Variants in GRM7 observed in about 807,000 individuals in gnomAD.
GRM7 encodes metabotropic glutamate receptor 7.
GRM7 carries 35 observed loss-of-function variants against 84.5 expected under a neutral mutation model. That is an observed-to-expected ratio of 0.41 (90% CI 0.32 to 0.55). The LOEUF (loss-of-function observed/expected upper bound fraction) is 0.55. Among genes scored for constraint, GRM7 ranks in the 20% least tolerant of loss-of-function variants. GRM7 has a pLI of 0.19. For synonymous variants in GRM7, 487 were observed against 455.1 expected (o/e 1.07, Z -0.89); for missense variants, 1,003 against 1,194.6 (o/e 0.84, Z 2.36).
chr3:6,898,340 TGG>T (rs1220750127), intron 1 of GRM7, among the ~76,000 whole-genome samples: 1 of 148,396 alleles, frequency 6.7e-6, no homozygotes, highest in African/African-American at 2.5e-5. Flanking sequence ...AAGTAGGGAT[TGG>T]TGAGAGACCA....
intron 4 of GRM7, among the ~76,000 whole-genome samples, chr3:7,331,278 G>A (rs763414204): frequency 3.9e-5 from 6 of 152,228 alleles, no homozygotes; most frequent in Non-Finnish European, 7.3e-5. Flanking sequence ...AGAGTAGAGT[G>A]AGCGTGTCTG....
intron 8 of GRM7, among the ~76,000 whole-genome samples, chr3:7,677,279 A>C (rs1023422569): frequency 4.3e-4 from 65 of 150,138 alleles, no homozygotes; most frequent in South Asian, 2.5e-3. Flanking sequence ...AAAAAAAAAA[A>C]AAAAAAAAAA....
At chr3:7,480,517 A>G (rs541707059) in intron 7 of GRM7, among the ~76,000 whole-genome samples, 43 of 152,354 alleles carry the variant, frequency 2.8e-4, no homozygotes, top group Admixed American at 5.9e-4. Flanking sequence ...CATCGGCCCC[A>G]TAATATCCAC....
At chr3:7,084,219 A>C (rs1698368118) in intron 1 of GRM7, among the ~76,000 whole-genome samples, 1 of 152,258 alleles carries the variant, frequency 6.6e-6, no homozygotes, top group South Asian at 2.1e-4. Context: ...GAAATAGTAG[A>C]GGCAACAGGC....
At chr3:7,614,879 A>G (rs1335273863) in intron 8 of GRM7, among the ~76,000 whole-genome samples, 1 of 152,122 alleles carries the variant, frequency 6.6e-6, no homozygotes, top group African/African-American at 2.4e-5. Context: ...TGCAAAATAG[A>G]TTCATTTGTA....
At chr3:7,017,151 A>G (rs1159222011) in intron 1 of GRM7, among the ~76,000 whole-genome samples, 9 of 152,202 alleles carry the variant, frequency 5.9e-5, no homozygotes, top group Admixed American at 5.9e-4. Flanking sequence ...AATTCTGTAC[A>G]TTTAATAACC....
At chr3:7,406,238 T>C (rs1051026383) in intron 4 of GRM7, among the ~76,000 whole-genome samples, 2 of 152,162 alleles carry the variant, frequency 1.3e-5, no homozygotes, top group African/African-American at 2.4e-5. Flanking sequence ...TGGTGGCTCA[T>C]GCCTGTAATC....
chr3:7,485,885 A>G (rs1265804515), intron 7 of GRM7, among the ~76,000 whole-genome samples: 1 of 152,220 alleles, frequency 6.6e-6, no homozygotes, highest in East Asian at 1.9e-4. Context: ...GTCAAGCTGA[A>G]AAGTTGAAGT....
intron 1 of GRM7, among the ~76,000 whole-genome samples, chr3:7,016,428 T>G (rs1695567645): frequency 6.6e-6 from 1 of 152,112 alleles, no homozygotes; most frequent in Non-Finnish European, 1.5e-5. Flanking sequence ...TGTAGCTGCG[T>G]GCAGGGGAAA....
Position 7,579,373 on chromosome 3 carries a change from C to T in GRM7, c.2451+16C>T. The T allele has an allele frequency of 1.3e-5, 18 of 1,406,250 alleles. No homozygotes were observed. The highest frequency in any genetic ancestry group is 1.7e-5 in the Non-Finnish European group (18 of 1,030,154). 87.1% of individuals were successfully genotyped at this position (1,406,250 alleles called of 1,614,324 possible). On this transcript the variant is annotated intron_variant, in intron 8 of 9. Coordinates refer to ENST00000357716, the MANE Select transcript of GRM7 (RefSeq NM_000844.4). ...AGCGGAAAAGGTAAGTGAAAATGCA[C>T]ATCATAATATGTTTTTTAAAAATGT... is the stretch of plus-strand genomic sequence containing the variant.
chr3:7,139,959 A>G (rs998803261), intron 1 of GRM7, among the ~76,000 whole-genome samples: 3 of 152,008 alleles, frequency 2.0e-5, no homozygotes, highest in Non-Finnish European at 4.4e-5. Context: ...AATTCACACA[A>G]ATCAAAATCA....
chr3:7,131,485 A>AT (rs1331962527), intron 1 of GRM7, among the ~76,000 whole-genome samples: 1 of 151,812 alleles, frequency 6.6e-6, no homozygotes, highest in Non-Finnish European at 1.5e-5. Context: ...ATTTTATTTT[A>AT]TTTTTTATTT....
At chr3:7,606,781 GC>G in intron 8 of GRM7, 1 of 152,242 alleles carries the variant, frequency 6.6e-6, no homozygotes, top group Non-Finnish European at 1.5e-5. Flanking sequence ...TGATTCACCA[GC>G]CTTGACCTCC....
chr3:7,501,536 A>T (rs1014466609), intron 7 of GRM7, among the ~76,000 whole-genome samples: 4 of 152,184 alleles, frequency 2.6e-5, no homozygotes, highest in Non-Finnish European at 5.9e-5. Context: ...ATAGACGGAC[A>T]GCTGAGGTTT....
At chr3:6,879,103 G>A (rs963950202) in intron 1 of GRM7, among the ~76,000 whole-genome samples, 1 of 152,092 alleles carries the variant, frequency 6.6e-6, no homozygotes, top group Non-Finnish European at 1.5e-5. Context: ...AAGATTATAA[G>A]AACTTTAATT....
chr3:6,971,273 A>G (rs1325750999), intron 1 of GRM7, among the ~76,000 whole-genome samples: 1 of 152,224 alleles, frequency 6.6e-6, no homozygotes, highest in African/African-American at 2.4e-5. Flanking sequence ...ATACCTACCA[A>G]TAAAAGTCAA....
At chr3:6,895,622 T>G (rs982172047) in intron 1 of GRM7, among the ~76,000 whole-genome samples, 1 of 152,186 alleles carries the variant, frequency 6.6e-6, no homozygotes, top group African/African-American at 2.4e-5. Context: ...GACCACAATT[T>G]TAGTCCTTCA....
At chr3:6,892,192 G>A (rs1478991819) in intron 1 of GRM7, among the ~76,000 whole-genome samples, 2 of 152,048 alleles carry the variant, frequency 1.3e-5, no homozygotes, top group African/African-American at 4.8e-5. Context: ...AGATGACCTA[G>A]GATTGGTCAA....
intron 1 of GRM7, chr3:6,956,584 C>G (rs1295528079): frequency 2.2e-6 from 1 of 456,562 alleles, no homozygotes; most frequent in African/African-American, 2.0e-5. Flanking sequence ...CCCTTCTATC[C>G]TGTCTCAGTT....
Sources: allele counts gnomAD v4.1 joint callset (sites outside exome capture counted in the v4.1 genomes callset), GRCh38; gene constraint gnomAD v4.1.1; transcripts MANE v1.5; gene names NCBI Gene and HGNC (gene_info 2026-07-23, HGNC 2026-07-21).